PRELID2: variants seen among roughly 807,000 people sequenced by gnomAD.
The protein encoded by PRELID2 is PRELI domain containing 2, also known as PRELI domain-containing protein 2.
PRELID2 carries 25 observed loss-of-function variants against 28.4 expected under a neutral mutation model. The ratio of observed to expected loss-of-function variants is 0.88; its 90% CI spans 0.64 to 1.23. The LOEUF (loss-of-function observed/expected upper bound fraction) is 1.23, where lower values mean the gene tolerates loss of function less well. Among genes scored for constraint, PRELID2 ranks in the 50% most tolerant of loss-of-function variants. PRELID2 has a pLI of 0.00. For missense variants in PRELID2, 201 were observed against 214.4 expected (o/e 0.94, Z 0.39); for synonymous variants, 76 against 71.6 (o/e 1.06, Z -0.31).
chr5:145,599,212 A>G (rs902667045), intron 1 of PRELID2, among the ~76,000 whole-genome samples: 4 of 152,202 alleles, frequency 2.6e-5, no homozygotes, highest in African/African-American at 9.6e-5. Flanking sequence ...TGACAGTTCT[A>G]TTACCACACA....
intron 1 of PRELID2, among the ~76,000 whole-genome samples, chr5:145,588,383 C>T (rs368029835): frequency 1.2e-4 from 18 of 152,218 alleles, no homozygotes; most frequent in African/African-American, 3.8e-4. Context: ...AAAGCCCTAC[C>T]TTTCCTTTCC....
At chr5:145,506,987 A>G (rs1174051034) in intron 1 of PRELID2, among the ~76,000 whole-genome samples, 1 of 152,082 alleles carries the variant, frequency 6.6e-6, no homozygotes, top group African/African-American at 2.4e-5. Flanking sequence ...TCACTTGTTC[A>G]TTGTCTCCCT....
the PRELID2 span, among the ~76,000 whole-genome samples, chr5:145,243,512 G>T: frequency 6.3e-3 from 955 of 152,046 alleles, 8 homozygotes; most frequent in African/African-American, 0.02. Context: ...CCTCAATTTT[G>T]TTTTGATGTT....
chr5:145,418,659 A>C, the PRELID2 span, among the ~76,000 whole-genome samples: 1 of 152,204 alleles, frequency 6.6e-6, no homozygotes, highest in Non-Finnish European at 1.5e-5. Flanking sequence ...CCTATGCAAT[A>C]AATGGTGCTG....
intron 1 of PRELID2, among the ~76,000 whole-genome samples, chr5:145,740,005 T>C (rs529873488): frequency 2.7e-5 from 4 of 150,920 alleles, no homozygotes; most frequent in African/African-American, 9.7e-5. Context: ...ACATTAAATG[T>C]AAATGGCCAA....
the PRELID2 span, among the ~76,000 whole-genome samples, chr5:145,233,392 T>C: frequency 6.6e-6 from 1 of 152,106 alleles, no homozygotes; most frequent in Non-Finnish European, 1.5e-5. Flanking sequence ...CATCCTATCC[T>C]GAGGTAGAAC....
the PRELID2 span, among the ~76,000 whole-genome samples, chr5:145,291,337 G>GAAAAAAAAAAAAAAAAAAAA: frequency 2.4e-5 from 1 of 41,732 alleles, no homozygotes; most frequent in African/African-American, 8.0e-5. Context: ...CTCTGTTTCA[G>GAAAAAAAAAAAAAAAAAAAA]AAAAAAAAAA....
At chr5:145,331,527 C>T in the PRELID2 span, among the ~76,000 whole-genome samples, 1 of 152,044 alleles carries the variant, frequency 6.6e-6, no homozygotes, top group African/African-American at 2.4e-5. Context: ...CTATGTAACG[C>T]CCTTCTTTGT....
chr5:145,559,124 A>G (rs1158678610), intron 1 of PRELID2, among the ~76,000 whole-genome samples: 1 of 152,016 alleles, frequency 6.6e-6, no homozygotes, highest in Non-Finnish European at 1.5e-5. Context: ...GCGTAGTGGC[A>G]GGCGCCTGTA....
At chr5:145,590,487 G>T (rs1261025510) in intron 1 of PRELID2, among the ~76,000 whole-genome samples, 1 of 152,088 alleles carries the variant, frequency 6.6e-6, no homozygotes, top group Non-Finnish European at 1.5e-5. Context: ...GACCTTGACT[G>T]TCTTGTTCAG....
At chr5:145,805,469 T>TTCA (rs1367568278) in intron 4 of PRELID2, among the ~76,000 whole-genome samples, 1 of 152,144 alleles carries the variant, frequency 6.6e-6, no homozygotes, top group African/African-American at 2.4e-5. Context: ...ACTCAACAGA[T>TTCA]TCATCAGGAG....
At chr5:145,348,904 G>T in the PRELID2 span, among the ~76,000 whole-genome samples, 1 of 152,044 alleles carries the variant, frequency 6.6e-6, no homozygotes, top group Non-Finnish European at 1.5e-5. Flanking sequence ...TTGAGTTCTT[G>T]GCTTTTTGGG....
intron 1 of PRELID2, among the ~76,000 whole-genome samples, chr5:145,564,414 C>A (rs1166346133): frequency 6.6e-6 from 1 of 152,182 alleles, no homozygotes; most frequent in Non-Finnish European, 1.5e-5. Context: ...GTCCCTCACT[C>A]TTGTCCCACT....
intron 1 of PRELID2, among the ~76,000 whole-genome samples, chr5:145,831,651 A>G (rs1755595519): frequency 6.6e-6 from 1 of 152,218 alleles, no homozygotes; most frequent in South Asian, 2.1e-4. Context: ...GAATGAATAG[A>G]AAGAAAGGAA....
At chr5:145,693,628 C>T (rs921651506) in intron 1 of PRELID2, among the ~76,000 whole-genome samples, 2 of 152,002 alleles carry the variant, frequency 1.3e-5, no homozygotes, top group African/African-American at 4.8e-5. Flanking sequence ...TAAAAATTAG[C>T]CAGGCCATGG....
chr5:145,480,839 G>T (rs1752152328), intron 1 of PRELID2, among the ~76,000 whole-genome samples: 1 of 152,138 alleles, frequency 6.6e-6, no homozygotes, highest in Non-Finnish European at 1.5e-5. Flanking sequence ...AACTCAGACT[G>T]CTTGGCAAAT....
chr5:145,486,141 T>C (rs768205469), intron 1 of PRELID2, among the ~76,000 whole-genome samples: 25 of 152,304 alleles, frequency 1.6e-4, no homozygotes, highest in Admixed American at 1.3e-3. Context: ...GACTTCACTA[T>C]AGGGGGATAG....
the PRELID2 span, among the ~76,000 whole-genome samples, chr5:145,336,155 T>C: frequency 2.0e-5 from 3 of 152,258 alleles, no homozygotes; most frequent in Admixed American, 2.0e-4. Flanking sequence ...TTGAGTTCAT[T>C]GTAGATTCCG....
the PRELID2 span, among the ~76,000 whole-genome samples, chr5:145,357,713 T>A: frequency 6.6e-6 from 1 of 152,178 alleles, no homozygotes; most frequent in African/African-American, 2.4e-5. Context: ...ATGATCTTTG[T>A]TCCTATCCAT....
Sources: gnomAD v4.1 joint callset for allele counts (sites outside exome capture counted in the v4.1 genomes callset) on GRCh38, gnomAD v4.1.1 for gene constraint, MANE v1.5 for transcripts, NCBI Gene and HGNC (gene_info 2026-07-23, HGNC 2026-07-21) for gene names.